RBFOX1: variants seen among roughly 807,000 people sequenced by gnomAD.
RBFOX1 encodes RNA binding fox-1 homolog 1.
Under a neutral mutation model 57.7 loss-of-function variants are expected in RBFOX1, and 8 were observed. That is an observed-to-expected ratio of 0.14 (90% CI 0.08 to 0.25). The LOEUF is 0.25. Ranked by LOEUF, RBFOX1 falls within the 10% of genes least tolerant of loss-of-function variation. The pLI is 1.00. For synonymous variants in RBFOX1, 326 were observed against 222.4 expected, an observed-to-expected ratio of 1.47 and a Z score of -4.15; for missense variants, 611 against 548.5, an observed-to-expected ratio of 1.11 and a Z score of -1.14.
At chr16:6,482,111 C>T (rs896422049) in intron 2 of RBFOX1, among the ~76,000 whole-genome samples, 1 of 152,184 alleles carries the variant, frequency 6.6e-6, no homozygotes, top group African/African-American at 2.4e-5. Flanking sequence ...AAATCCTAAT[C>T]AGTTGTATAC....
intron 3 of RBFOX1, among the ~76,000 whole-genome samples, chr16:5,718,343 C>G (rs778800720): frequency 1.3e-5 from 2 of 152,200 alleles, no homozygotes; most frequent in Non-Finnish European, 2.9e-5. Context: ...TGAGCCCAGC[C>G]TAAGTCATCC....
chr16:6,577,068 C>G (rs2097450294), intron 2 of RBFOX1: 1 of 152,152 alleles, frequency 6.6e-6, no homozygotes, highest in African/African-American at 2.4e-5. Flanking sequence ...TTGGGATGCT[C>G]CAAACTTCTT....
At chr16:6,298,629 C>G (rs372335801) in intron 1 of RBFOX1, among the ~76,000 whole-genome samples, 1 of 152,056 alleles carries the variant, frequency 6.6e-6, no homozygotes, top group South Asian at 2.1e-4. Context: ...TGTGATTGAC[C>G]AAAACCTTCC....
chr16:6,873,348 G>A (rs960530809), intron 3 of RBFOX1, among the ~76,000 whole-genome samples: 1 of 152,130 alleles, frequency 6.6e-6, no homozygotes. Context: ...AAAATCATTA[G>A]AGACATGATT....
chr16:6,127,189 T>C (rs2096595996), intron 1 of RBFOX1, among the ~76,000 whole-genome samples: 1 of 151,964 alleles, frequency 6.6e-6, no homozygotes, highest in African/African-American at 2.4e-5. Flanking sequence ...AAGAGGGTAA[T>C]GAGGAGGACT....
chr16:6,712,503 G>A (rs1021763821), intron 3 of RBFOX1, among the ~76,000 whole-genome samples: 2 of 152,090 alleles, frequency 1.3e-5, no homozygotes, highest in Admixed American at 6.6e-5. Flanking sequence ...TTCCATCTCA[G>A]TGGATGGTAT....
chr16:7,294,432 C>T (rs1405365674), intron 4 of RBFOX1, among the ~76,000 whole-genome samples: 1 of 150,998 alleles, frequency 6.6e-6, no homozygotes, highest in Non-Finnish European at 1.5e-5. Context: ...TCTCGGGTCT[C>T]TTTTGACATA....
chr16:6,639,700 C>A (rs1013984525), intron 2 of RBFOX1, among the ~76,000 whole-genome samples: 5 of 152,022 alleles, frequency 3.3e-5, no homozygotes, highest in Non-Finnish European at 7.4e-5. Context: ...CATGATGAAA[C>A]CCTGTCTCTA....
intron 1 of RBFOX1, among the ~76,000 whole-genome samples, chr16:5,280,625 G>C (rs1343689808): frequency 6.6e-6 from 1 of 152,198 alleles, no homozygotes; most frequent in African/African-American, 2.4e-5. Context: ...TTTTGGGTCA[G>C]TTCAGGTTTT....
intron 1 of RBFOX1, among the ~76,000 whole-genome samples, chr16:5,400,091 T>TTTTC (rs1286711299): frequency 2.8e-4 from 43 of 151,866 alleles, no homozygotes; most frequent in Admixed American, 2.5e-3. Context: ...TTCTTTTTTC[T>TTTTC]TTTCTTTCTT....
At chr16:7,190,885 C>G (rs1417950007) in intron 4 of RBFOX1, among the ~76,000 whole-genome samples, 6 of 152,120 alleles carry the variant, frequency 3.9e-5, no homozygotes, top group East Asian at 3.8e-4. Context: ...AGGATGTTAA[C>G]TGTTTAGAGA....
intron 3 of RBFOX1, among the ~76,000 whole-genome samples, chr16:5,657,112 G>A (rs566679421): frequency 6.6e-6 from 1 of 152,230 alleles, no homozygotes; most frequent in South Asian, 2.1e-4. Flanking sequence ...AGAAAAAAAA[G>A]AAACAGTCTT....
At chr16:7,059,865 C>T (rs2053702375) in intron 4 of RBFOX1, among the ~76,000 whole-genome samples, 1 of 152,078 alleles carries the variant, frequency 6.6e-6, no homozygotes, top group South Asian at 2.1e-4. Context: ...ATTATGTAAA[C>T]TGATGAAAAA....
At chr16:6,029,346 G>A (rs929100535) in intron 1 of RBFOX1, among the ~76,000 whole-genome samples, 1 of 152,190 alleles carries the variant, frequency 6.6e-6, no homozygotes, top group South Asian at 2.1e-4. Context: ...CTTCGCTGGT[G>A]TCAGTTTATA....
chr16:7,335,606 A>AAAAAAAAAG (rs1568270544), intron 4 of RBFOX1, among the ~76,000 whole-genome samples: 1 of 64,938 alleles, frequency 1.5e-5, no homozygotes, highest in African/African-American at 1.5e-4. Flanking sequence ...AAAAAAAAAA[A>AAAAAAAAAG]AAACCAAGTG....
intron 3 of RBFOX1, among the ~76,000 whole-genome samples, chr16:5,769,366 T>G (rs974555818): frequency 6.6e-6 from 1 of 151,064 alleles, no homozygotes; most frequent in Non-Finnish European, 1.5e-5. Context: ...TTGGGCTGGG[T>G]GCAGTGGCTC....
chr16:5,313,181 C>G (rs904971501), intron 1 of RBFOX1, among the ~76,000 whole-genome samples: 10 of 152,164 alleles, frequency 6.6e-5, no homozygotes, highest in African/African-American at 2.4e-4. Context: ...GCTCATTACT[C>G]AAAGTCATGC....
In RBFOX1 at chr16:6,479,847, T is replaced by TGA. The variant is rs544873106; in HGVS notation, c.-64+162793_-64+162794dup. On this transcript the variant is annotated intron_variant, in intron 2 of 15. Transcript: ENST00000550418. ...GGCAGATCATTTGAGGTCAGGAGCT[T>TGA]GAGACCAGCCTGACCAACATGGTGA... Among the ~76,000 whole-genome samples the TGA allele has an allele frequency of 2.9e-3, 441 of 151,342 alleles. 1 individual carries two copies. Among genetic ancestry groups the TGA allele is most frequent in the African/African-American group, 0.01 (431 of 41,256 alleles).
At chr16:6,159,797 A>C (rs1271967491) in intron 1 of RBFOX1, among the ~76,000 whole-genome samples, 2 of 152,206 alleles carry the variant, frequency 1.3e-5, no homozygotes, top group Non-Finnish European at 2.9e-5. Context: ...TACAAAAATG[A>C]CAGAAGACTG....
Sources: gnomAD v4.1 joint callset for allele counts (sites outside exome capture counted in the v4.1 genomes callset) on GRCh38, gnomAD v4.1.1 for gene constraint, MANE v1.5 for transcripts, NCBI Gene and HGNC (gene_info 2026-07-23, HGNC 2026-07-21) for gene names.